GSTO2: variants seen among roughly 807,000 people sequenced by gnomAD.
GSTO2 encodes glutathione S-transferase omega 2.
A neutral mutation model predicts 28.4 loss-of-function variants in GSTO2; 23 were observed. That is an observed-to-expected ratio of 0.81 (90% CI 0.58 to 1.15). The LOEUF is 1.15. GSTO2 is among the 50% of genes most tolerant of loss of function. The pLI, the probability that GSTO2 is intolerant of heterozygous loss-of-function variation, is 0.00. For synonymous variants in GSTO2, 109 were observed against 111.0 expected, an observed-to-expected ratio of 0.98 and a Z score of 0.11; for missense variants, 298 against 297.8, an observed-to-expected ratio of 1.00 and a Z score of 0.00.
At chr10:104,298,016 C>T (rs893146460) in intron 6 of GSTO2, among the ~76,000 whole-genome samples, 5 of 152,204 alleles carry the variant, frequency 3.3e-5, no homozygotes, top group African/African-American at 1.2e-4. Context: ...CCAACGCCTC[C>T]ACCTGGTCCT....
Position 104,300,646 on chromosome 10 carries a change from C to G in GSTO2, c.*1362C>G, listed in dbSNP as rs2013230027. On this transcript the variant is annotated 3_prime_UTR_variant, in exon 7 of 7. Coordinates refer to ENST00000338595, the MANE Select transcript of GSTO2 (RefSeq NM_183239.2). Reference sequence around the variant, plus strand: ...TACTGCCTGCACTATGGGAGGGGGACCAAGTTTGTCCAATGCTGTTTCATC... The same window carrying G: ...TACTGCCTGCACTATGGGAGGGGGAGCAAGTTTGTCCAATGCTGTTTCATC... 1 of 152,294 alleles carries G rather than the reference C, an allele frequency of 6.6e-6. No homozygotes were observed. The highest frequency in any genetic ancestry group is 6.5e-5 in the Admixed American group (1 of 15,294). 9.4% of individuals were successfully genotyped at this position (152,294 alleles called of 1,614,324 possible). A position where few individuals can be genotyped will look rare whatever the true frequency, so the allele number is the denominator to read the frequency against.
chr10:104,294,294 G>C (rs567343359), intron 5 of GSTO2, among the ~76,000 whole-genome samples: 22 of 152,290 alleles, frequency 1.4e-4, no homozygotes, highest in African/African-American at 4.8e-4. Context: ...GTCCCACTTA[G>C]ATGAGTTTCA....
chr10:104,293,594 G>GTTTTTTTTT (rs2012888960), intron 5 of GSTO2, among the ~76,000 whole-genome samples: 5 of 71,452 alleles, frequency 7.0e-5, no homozygotes, highest in African/African-American at 3.4e-4. Flanking sequence ...TTGCGACAAG[G>GTTTTTTTTT]TCTTTCTCTA....
rs537583698 is a variant in GSTO2, at chr10:104,299,807, G to A, written c.*523G>A. 1.2e-5 allele frequency: 2 copies of A among 164,170 alleles called. No individual in the cohort carries two copies. Among genetic ancestry groups the A allele is most frequent in the African/African-American group, 4.8e-5 (2 of 41,616 alleles). 10.2% of individuals were successfully genotyped at this position (164,170 alleles called of 1,614,324 possible). On this transcript the variant is annotated 3_prime_UTR_variant, in exon 7 of 7. Transcript: ENST00000338595. ...GTAGCTTCTAACTATTTTCTAGAAA[G>A]TGCCTGGTGCTAATGTCAGAGCACA... is the stretch of plus-strand genomic sequence containing the variant.
rs1023284606 is a variant in GSTO2 at position 104,300,067 on chromosome 10, G to T, written c.*783G>T. On this transcript the variant is annotated 3_prime_UTR_variant, in exon 7 of 7. Coordinates refer to ENST00000338595, the MANE Select transcript of GSTO2 (RefSeq NM_183239.2). Reference sequence around the variant, plus strand: ...TTGGCAAATGAATGTCGCTGTCCACGTGGGCGAGTATGAGTGTAATTCTCC... The same window carrying T: ...TTGGCAAATGAATGTCGCTGTCCACTTGGGCGAGTATGAGTGTAATTCTCC... 6.6e-6 allele frequency: 1 copy of T among 152,262 alleles called. No individual in the cohort carries two copies. The highest frequency in any genetic ancestry group is 1.9e-4 in the East Asian group (1 of 5,198). 9.4% of individuals were successfully genotyped at this position (152,262 alleles called of 1,614,324 possible). A position where few individuals can be genotyped will look rare whatever the true frequency, so the allele number is the denominator to read the frequency against.
Position 104,297,660 on chromosome 10 carries a change from G to A in GSTO2, c.551G>A (p.Arg184Gln), listed in dbSNP as rs775877546. 12 of 1,612,992 alleles carry A rather than the reference G, an allele frequency of 7.4e-6. No individual in the cohort carries two copies. Among genetic ancestry groups the A allele is most frequent in the East Asian group, 2.2e-5 (1 of 44,892 alleles). The stretch of plus-strand genomic sequence containing the variant: ...TACCTCCTCTGGCCCTGGTTTGAGC[G>A]GCTGGATGTGTATGGGATACTGGAG... ...IDYLLWPWFERLDVYGILDCV... is the reference protein window; with the variant it reads ...IDYLLWPWFEQLDVYGILDCV... Residue 184 changes from arginine (R) to glutamine (Q), a missense_variant, in exon 6 of 7, where the codon CGG becomes CAG. By Grantham distance (43) the Arg-to-Gln change is conservative (BLOSUM62 1). Coordinates refer to ENST00000338595, the MANE Select transcript of GSTO2 (RefSeq NM_183239.2).
intron 5 of GSTO2, among the ~76,000 whole-genome samples, chr10:104,286,491 T>G (rs1321785359): frequency 6.6e-6 from 1 of 152,242 alleles, no homozygotes; most frequent in Non-Finnish European, 1.5e-5. Context: ...AAGGTTCCAC[T>G]CTTGGAACTA....
chr10:104,275,205 C>T (rs2011569582), intron 2 of GSTO2, 21 bp from the exon 3 acceptor site: 2 of 1,601,044 alleles, frequency 1.2e-6, no homozygotes, highest in Non-Finnish European at 1.7e-6. Flanking sequence ...TTCCCTGTCC[C>T]CCTCCATCGC....
chr10:104,281,078 C>A (rs2012009856), intron 5 of GSTO2, among the ~76,000 whole-genome samples: 1 of 152,134 alleles, frequency 6.6e-6, no homozygotes, highest in African/African-American at 2.4e-5. Flanking sequence ...CTTGGTTTTC[C>A]CATGTGTAAA....
In GSTO2 at chr10:104,303,429, C is replaced by T. The variant is rs2013317747; in HGVS notation, c.*4145C>T. On this transcript the variant is annotated 3_prime_UTR_variant, in exon 7 of 7. Coordinates refer to ENST00000338595, the MANE Select transcript of GSTO2 (RefSeq NM_183239.2). ...GCCTAGGGACCTGTGGAAGTTTGAA[C>T]TTGAGAGTGATGATTTTAGGGTATC... The T allele has an allele frequency of 6.6e-6, 1 of 152,192 alleles. No individual in the cohort carries two copies. The highest frequency in any genetic ancestry group is 1.5e-5 in the Non-Finnish European group (1 of 68,034). The allele number at this position is 152,192 out of a possible 1,614,324, so 9.4% of individuals were successfully genotyped here. A position where few individuals can be genotyped will look rare whatever the true frequency, so the allele number is the denominator to read the frequency against.
intron 5 of GSTO2, 143 bp from the exon 6 acceptor site, chr10:104,297,435 G>T: frequency 1.8e-6 from 1 of 557,070 alleles, no homozygotes. Flanking sequence ...AGAAAGAGAA[G>T]AAGCATTCTC....
At chr10:104,290,025 G>C in intron 5 of GSTO2, among the ~76,000 whole-genome samples, 1 of 152,152 alleles carries the variant, frequency 6.6e-6, no homozygotes, top group Non-Finnish European at 1.5e-5. Flanking sequence ...CAGTTTGGAG[G>C]TTCCTCAAAA....
chr10:104,299,251 C>T lies in GSTO2; in HGVS notation c.699C>T (p.Asn233=). ...GCTTCTTGAATCTCTATTTTCAGAACAACCCTAATGCCTTTGACTTTGGGC... is the reference window on the plus strand; with the variant it reads ...GCTTCTTGAATCTCTATTTTCAGAATAACCCTAATGCCTTTGACTTTGGGC... The part of the protein sequence containing the change: ...FQGFLNLYFQ[N]NPNAFDFGLC The change falls in exon 7 of 7, where the codon AAC becomes AAT. Residue 233 remains asparagine, a synonymous_variant. Coordinates refer to ENST00000338595, the MANE Select transcript of GSTO2 (RefSeq NM_183239.2). The T allele has an allele frequency of 6.2e-7, 1 of 1,614,158 alleles. No homozygotes were observed. The highest frequency in any genetic ancestry group is 8.5e-7 in the Non-Finnish European group (1 of 1,180,016).
chr10:104,277,942 T>A lies in GSTO2; in HGVS notation c.192T>A (p.Tyr64Ter), dbSNP rs1226422182. 6.2e-7 allele frequency: 1 copy of A among 1,614,122 alleles called. No individual in the cohort carries two copies. Residue 64 changes from tyrosine (Y) to a stop codon, truncating the protein, a stop_gained, in exon 4 of 7, where the codon TAT becomes TAA. Coordinates refer to ENST00000338595, the MANE Select transcript of GSTO2 (RefSeq NM_183239.2). LOFTEE classifies it high-confidence loss of function. ...INLRNKPEWY[Y>*]TKHPFGHIPV... ...TGAGAAACAAGCCTGAATGGTACTA[T>A]ACAAAGCACCCTTTTGGCCACATTC...
chr10:104,285,436 G>A (rs940226814), intron 5 of GSTO2, among the ~76,000 whole-genome samples: 47 of 151,122 alleles, frequency 3.1e-4, no homozygotes, highest in Non-Finnish European at 3.5e-4. Context: ...GCCTGCCTCC[G>A]TTATCTTAAT....
At chr10:104,294,793 AT>A (rs2012948978) in intron 5 of GSTO2, among the ~76,000 whole-genome samples, 1 of 152,178 alleles carries the variant, frequency 6.6e-6, no homozygotes, top group Non-Finnish European at 1.5e-5. Context: ...TTATATATAA[AT>A]TGATAGTGTC....
intron 1 of GSTO2, among the ~76,000 whole-genome samples, chr10:104,270,023 T>A (rs1329588033): frequency 1.3e-5 from 2 of 152,040 alleles, no homozygotes; most frequent in East Asian, 3.8e-4. Flanking sequence ...ACCTTTTTTT[T>A]TTTTTTTTGA....
intron 5 of GSTO2, among the ~76,000 whole-genome samples, chr10:104,292,385 T>G (rs769452187): frequency 3.3e-5 from 5 of 152,014 alleles, no homozygotes; most frequent in Non-Finnish European, 7.4e-5. Flanking sequence ...CTCGAACTCC[T>G]GGCCTCAAGA....
At chr10:104,293,563 A>ATTATTTTTTT (rs2012877645) in intron 5 of GSTO2, among the ~76,000 whole-genome samples, 6 of 81,642 alleles carry the variant, frequency 7.3e-5, no homozygotes, top group African/African-American at 3.1e-4. Context: ...CGCCTGGCCA[A>ATTATTTTTTT]TTTTTTTTTT....
Sources: gnomAD v4.1 joint callset for allele counts (sites outside exome capture counted in the v4.1 genomes callset) on GRCh38, gnomAD v4.1.1 for gene constraint, MANE v1.5 for transcripts, NCBI Gene and HGNC (gene_info 2026-07-23, HGNC 2026-07-21) for gene names.